CCNY: variants seen among roughly 807,000 people sequenced by gnomAD.
CCNY encodes cyclin-Y.
Under a neutral mutation model 42.8 loss-of-function variants are expected in CCNY, and 19 were observed. The ratio of observed to expected loss-of-function variants is 0.44; its 90% confidence interval spans 0.31 to 0.65. The LOEUF is 0.65. Among genes scored for constraint, CCNY ranks in the 30% least tolerant of loss-of-function variants. The pLI, the probability that CCNY is intolerant of heterozygous loss-of-function variation, is 0.07. For missense variants in CCNY, 370 were observed against 437.3 expected, an observed-to-expected ratio of 0.85 and a Z score of 1.37; for synonymous variants, 165 against 162.7, an observed-to-expected ratio of 1.01 and a Z score of -0.11.
At chr10:35,370,961 C>T (rs753166603) in intron 1 of CCNY, among the ~76,000 whole-genome samples, 4 of 152,116 alleles carry the variant, frequency 2.6e-5, no homozygotes, top group South Asian at 2.1e-4. Flanking sequence ...GTGATCCGTC[C>T]GCCTCGGCCT....
intron 1 of CCNY, among the ~76,000 whole-genome samples, chr10:35,465,317 A>G (rs1464831162): frequency 6.6e-6 from 1 of 151,588 alleles, no homozygotes; most frequent in Non-Finnish European, 1.5e-5. Context: ...CCGAGCACCG[A>G]TAGTTTTAAC....
intron 1 of CCNY, among the ~76,000 whole-genome samples, chr10:35,369,324 A>G (rs1836878829): frequency 6.6e-6 from 1 of 152,188 alleles, no homozygotes; most frequent in Admixed American, 6.5e-5. Context: ...GCATCTGCCA[A>G]ACTATTAAGG....
chr10:35,320,920 T>C lies in CCNY; in HGVS notation c.-9+70294T>C, dbSNP rs187245604. ...ACTTTGAGAGGCTGAGAAGGGAAGATCACTTGAGTCCAGCCCGGGCAACAC... is the reference window on the plus strand; with the variant it reads ...ACTTTGAGAGGCTGAGAAGGGAAGACCACTTGAGTCCAGCCCGGGCAACAC... On this transcript the variant is annotated intron_variant, in intron 3 of 11. Coordinates refer to the CCNY transcript ENST00000374706. 1.1e-4 allele frequency: 17 copies of C among 151,246 alleles called. No individual in the cohort carries two copies. The East Asian group carries it at 3.3e-3, about 30-fold the overall frequency. The allele number at this position is 151,246 out of a possible 1,614,324, so 9.4% of individuals were successfully genotyped here. A position where few individuals can be genotyped will look rare whatever the true frequency, so the allele number is the denominator to read the frequency against.
At chr10:35,257,459 C>A (rs2135027762) in intron 3 of CCNY, among the ~76,000 whole-genome samples, 1 of 152,034 alleles carries the variant, frequency 6.6e-6, no homozygotes, top group South Asian at 2.1e-4. Context: ...CATTTTTTAT[C>A]TGGGAAGGTC....
chr10:35,429,648 G>A (rs922202891), intron 1 of CCNY, among the ~76,000 whole-genome samples: 12 of 152,182 alleles, frequency 7.9e-5, no homozygotes, highest in African/African-American at 2.7e-4. Context: ...GTACTGTAAC[G>A]TCCCTAGTTC....
intron 3 of CCNY, among the ~76,000 whole-genome samples, chr10:35,511,836 T>C (rs949353369): frequency 6.6e-6 from 1 of 152,120 alleles, no homozygotes; most frequent in African/African-American, 2.4e-5. Context: ...AAAGAGGAAG[T>C]GAACCGTGAA....
intron 1 of CCNY, among the ~76,000 whole-genome samples, chr10:35,469,568 A>T (rs1035601746): frequency 2.2e-5 from 3 of 138,416 alleles, no homozygotes; most frequent in Non-Finnish European, 3.0e-5. Context: ...AGATGGAGAG[A>T]TGGACAGACA....
At chr10:35,304,728 T>C (rs1835586013) in intron 3 of CCNY, among the ~76,000 whole-genome samples, 1 of 152,176 alleles carries the variant, frequency 6.6e-6, no homozygotes, top group East Asian at 1.9e-4. Context: ...CTGTGCCTTG[T>C]AGGATGTTTA....
At chr10:35,377,609 C>G (rs899332493) in intron 1 of CCNY, among the ~76,000 whole-genome samples, 3 of 152,050 alleles carry the variant, frequency 2.0e-5, no homozygotes, top group African/African-American at 7.2e-5. Context: ...ATGACTGTAC[C>G]TATTTAAGTG....
chr10:35,432,764 T>C (rs1838440809), intron 1 of CCNY, among the ~76,000 whole-genome samples: 1 of 152,262 alleles, frequency 6.6e-6, no homozygotes, highest in Admixed American at 6.5e-5. Context: ...AAATGTTTTC[T>C]GAAAAGTAAC....
chr10:35,569,938 G>A lies in CCNY; in HGVS notation c.*768G>A, dbSNP rs1053137025. 2.0e-5 allele frequency: 3 copies of A among 152,616 alleles called. No individual in the cohort carries two copies. Among genetic ancestry groups the A allele is most frequent in the Non-Finnish European group, 4.4e-5 (3 of 68,032 alleles). 9.5% of individuals were successfully genotyped at this position (152,616 alleles called of 1,614,324 possible). A position where few individuals can be genotyped will look rare whatever the true frequency, so the allele number is the denominator to read the frequency against. ...GATCACATGGGTGCTTGTGCCTTCC[G>A]ATTTTCTTGCATTTGTTTTTTTCCT... On this transcript the variant is annotated 3_prime_UTR_variant, in exon 10 of 10. Transcript: ENST00000374704.
chr10:35,279,147 A>C (rs1380771770), intron 3 of CCNY, among the ~76,000 whole-genome samples: 7 of 126,372 alleles, frequency 5.5e-5, no homozygotes, highest in South Asian at 4.8e-4. Context: ...ACAGGGTCTC[A>C]CTCTATCACC....
At chr10:35,259,688 T>TG (rs1339496948) in intron 3 of CCNY, among the ~76,000 whole-genome samples, 64 of 130,228 alleles carry the variant, frequency 4.9e-4, no homozygotes, top group Non-Finnish European at 7.2e-4. Flanking sequence ...TTTTTTTTTT[T>TG]TTTTTTAGAG....
chr10:35,317,948 G>A (rs1310969488), intron 3 of CCNY, among the ~76,000 whole-genome samples: 1 of 152,222 alleles, frequency 6.6e-6, no homozygotes, highest in African/African-American at 2.4e-5. Context: ...CATAGTTCCA[G>A]CCTGGCGCTG....
intron 1 of CCNY, among the ~76,000 whole-genome samples, chr10:35,456,781 T>C (rs1839044871): frequency 6.6e-6 from 1 of 152,174 alleles, no homozygotes; most frequent in Non-Finnish European, 1.5e-5. Flanking sequence ...TCCCTTAAAA[T>C]ATATATCAGG....
chr10:35,516,725 A>G, intron 4 of CCNY, 102 bp downstream of exon 4: 1 of 700,490 alleles, frequency 1.4e-6, no homozygotes, highest in Non-Finnish European at 2.2e-6. Flanking sequence ...TTAACCTGAC[A>G]GCTAAGCTGG....
intron 1 of CCNY, 119 bp downstream of exon 1, chr10:35,337,326 G>A (rs1836065103): frequency 9.2e-7 from 1 of 1,092,742 alleles, no homozygotes. Context: ...TGCATAACCG[G>A]GGCTTCGCCC....
chr10:35,286,098 C>T (rs1228248378), intron 3 of CCNY, among the ~76,000 whole-genome samples: 2 of 152,192 alleles, frequency 1.3e-5, no homozygotes, highest in Non-Finnish European at 2.9e-5. Context: ...AGGCGTGAAC[C>T]ACCACGCCTG....
intron 3 of CCNY, among the ~76,000 whole-genome samples, chr10:35,273,612 CCAAACTGTGACCTGGTGGATTTGG>C (rs966966060): frequency 5.9e-5 from 9 of 152,062 alleles, no homozygotes; most frequent in African/African-American, 1.9e-4. Context: ...GGATAGAGTC[CCAAACTGTGACCTGGTGGATTTGG>C]CCAATGCAGG....
Sources: gnomAD v4.1 joint callset for allele counts (sites outside exome capture counted in the v4.1 genomes callset) on GRCh38, gnomAD v4.1.1 for gene constraint, MANE v1.5 for transcripts, NCBI Gene and HGNC (gene_info 2026-07-23, HGNC 2026-07-21) for gene names.